Variants in SLC25A40 observed in about 807,000 individuals in gnomAD.
SLC25A40 encodes solute carrier family 25 member 40, also known as mitochondrial glutathione transporter SLC25A40.
A neutral mutation model predicts 46.5 loss-of-function variants in SLC25A40; 41 were observed. The ratio of observed to expected loss-of-function variants is 0.88; its 90% CI spans 0.69 to 1.14. SLC25A40 has a LOEUF of 1.14. Ranked by LOEUF, SLC25A40 falls within the 50% of genes most tolerant of loss-of-function variation. The pLI, the probability that SLC25A40 is intolerant of heterozygous loss-of-function variation, is 0.00. For synonymous variants in SLC25A40, 126 were observed against 127.5 expected, an observed-to-expected ratio of 0.99 and a Z score of 0.08; for missense variants, 386 against 393.6, an observed-to-expected ratio of 0.98 and a Z score of 0.16.
intron 3 of SLC25A40, among the ~76,000 whole-genome samples, chr7:87,856,847 C>A (rs1400887903): frequency 3.9e-5 from 6 of 152,064 alleles, no homozygotes; most frequent in Non-Finnish European, 8.8e-5. Flanking sequence ...CATAGCACAG[C>A]AAAGGAAAAT....
intron 4 of SLC25A40, 89 bp downstream of exon 4, chr7:87,856,203 A>G (rs2131010451): frequency 1.7e-6 from 2 of 1,168,178 alleles, no homozygotes; most frequent in South Asian, 2.9e-5. Flanking sequence ...AATTTTAATA[A>G]ATTAGCAAAT....
intron 1 of SLC25A40, among the ~76,000 whole-genome samples, chr7:87,869,761 G>A (rs1224852026): frequency 6.6e-6 from 1 of 152,058 alleles, no homozygotes; most frequent in Non-Finnish European, 1.5e-5. Flanking sequence ...TTTCAAGTTA[G>A]GGCCTATTAC....
intron 5 of SLC25A40, among the ~76,000 whole-genome samples, chr7:87,852,975 G>T (rs907898893): frequency 6.6e-6 from 1 of 152,088 alleles, no homozygotes; most frequent in Non-Finnish European, 1.5e-5. Context: ...ACCTATAAAA[G>T]ATATTAATAA....
intron 8 of SLC25A40, chr7:87,844,100 CA>C: frequency 2.0e-6 from 1 of 503,092 alleles, no homozygotes; most frequent in South Asian, 8.6e-5. Flanking sequence ...ACTATAATTC[CA>C]AAACCTGACA....
chr7:87,856,493 G>A, intron 3 of SLC25A40, 142 bp from the exon 4 acceptor site: 1 of 753,194 alleles, frequency 1.3e-6, no homozygotes, highest in Non-Finnish European at 2.4e-6. Flanking sequence ...AAGTAGTCTT[G>A]AATGTAACAT....
chr7:87,861,769 A>G (rs573826799), intron 1 of SLC25A40, among the ~76,000 whole-genome samples: 38 of 152,326 alleles, frequency 2.5e-4, no homozygotes, highest in African/African-American at 8.7e-4. Flanking sequence ...TGATGCCAGC[A>G]AGGTTGACAA....
At chr7:87,841,804 G>A in intron 9 of SLC25A40, 90 bp from the exon 10 acceptor site, 4 of 662,596 alleles carry the variant, frequency 6.0e-6, no homozygotes, top group Non-Finnish European at 9.1e-6. Context: ...TATTATTTAA[G>A]GATAATGAAA....
At chr7:87,864,401 T>C (rs1257653173) in intron 1 of SLC25A40, among the ~76,000 whole-genome samples, 1 of 152,244 alleles carries the variant, frequency 6.6e-6, no homozygotes, top group Non-Finnish European at 1.5e-5. Context: ...GTGTAAACTA[T>C]ATCCACCATG....
Position 87,864,957 on chromosome 7 carries a change from A to AT in SLC25A40, c.-93-4318dup, listed in dbSNP as rs973041782. On this transcript the variant is annotated intron_variant, in intron 1 of 11. Coordinates refer to ENST00000341119, the MANE Select transcript of SLC25A40 (RefSeq NM_018843.4). Reference sequence around the variant, plus strand: ...TTTGTTAGCATGTTTTGATTTGTTGATTTTTTTCTTTTCTTTTCTTTTCTT... The same window carrying AT: ...TTTGTTAGCATGTTTTGATTTGTTGATTTTTTTTCTTTTCTTTTCTTTTCTT... Among the ~76,000 whole-genome samples, 44 of 140,324 alleles carry AT rather than the reference A, an allele frequency of 3.1e-4. 1 individual carries two copies. Among genetic ancestry groups the AT allele is most frequent in the African/African-American group, 1.1e-3 (40 of 38,074 alleles). The allele number at this position is 140,324 out of a possible 152,430, so 92.1% of individuals were successfully genotyped here. A position where few individuals can be genotyped will look rare whatever the true frequency, so the allele number is the denominator to read the frequency against.
intron 3 of SLC25A40, among the ~76,000 whole-genome samples, chr7:87,857,605 C>T (rs561998551): frequency 6.6e-6 from 1 of 152,150 alleles, no homozygotes; most frequent in Non-Finnish European, 1.5e-5. Context: ...TGGACATTTA[C>T]CAGTTCCCAA....
At chr7:87,856,910 T>A (rs1294893787) in intron 3 of SLC25A40, among the ~76,000 whole-genome samples, 1 of 152,208 alleles carries the variant, frequency 6.6e-6, no homozygotes, top group Non-Finnish European at 1.5e-5. Flanking sequence ...TGCCAAATAA[T>A]GTTTCTAAGA....
intron 1 of SLC25A40, 49 bp from the exon 2 acceptor site, chr7:87,860,689 GATA>G (rs1272820618): frequency 6.6e-6 from 1 of 152,052 alleles, no homozygotes; most frequent in East Asian, 1.9e-4. Context: ...ACAGGAAAAG[GATA>G]ATAAATCTAA....
At chr7:87,852,906 A>G (rs1838540158) in intron 5 of SLC25A40, among the ~76,000 whole-genome samples, 1 of 152,242 alleles carries the variant, frequency 6.6e-6, no homozygotes. Flanking sequence ...ATTTTTATGA[A>G]AAAGTCTTCA....
chr7:87,836,917 C>CTT (rs1838264899), intron 10 of SLC25A40, 107 bp from the exon 11 acceptor site: 1 of 563,614 alleles, frequency 1.8e-6, no homozygotes, highest in South Asian at 4.1e-5. Context: ...ATTTCTTTAC[C>CTT]ATAAGAAGAG....
At chr7:87,853,567 T>C (rs1838552803) in intron 5 of SLC25A40, among the ~76,000 whole-genome samples, 1 of 152,164 alleles carries the variant, frequency 6.6e-6, no homozygotes, top group Non-Finnish European at 1.5e-5. Flanking sequence ...CTGTATTATA[T>C]CTACACCATG....
intron 6 of SLC25A40, among the ~76,000 whole-genome samples, chr7:87,848,905 T>C (rs926936679): frequency 6.6e-6 from 1 of 152,194 alleles, no homozygotes; most frequent in African/African-American, 2.4e-5. Context: ...CCACTAACTT[T>C]AAACCTTAAA....
At chr7:87,861,002 G>T (rs372858738) in intron 1 of SLC25A40, among the ~76,000 whole-genome samples, 13 of 152,226 alleles carry the variant, frequency 8.5e-5, no homozygotes, top group African/African-American at 3.1e-4. Flanking sequence ...TTTTTTTTGG[G>T]AAGGGAGTGT....
chr7:87,857,421 T>C (rs1838631173), intron 3 of SLC25A40, among the ~76,000 whole-genome samples: 1 of 152,212 alleles, frequency 6.6e-6, no homozygotes, highest in African/African-American at 2.4e-5. Context: ...ACCGTGAGAA[T>C]GGCAAAGCAA....
intron 1 of SLC25A40, among the ~76,000 whole-genome samples, chr7:87,872,955 C>T (rs1838916723): frequency 6.6e-6 from 1 of 152,194 alleles, no homozygotes; most frequent in Non-Finnish European, 1.5e-5. Flanking sequence ...AGCCACTAAC[C>T]AATCCTATCC....
Sources: allele counts gnomAD v4.1 joint callset (sites outside exome capture counted in the v4.1 genomes callset), GRCh38; gene constraint gnomAD v4.1.1; transcripts MANE v1.5; gene names NCBI Gene and HGNC (gene_info 2026-07-23, HGNC 2026-07-21).